Variants in NALCN observed in about 807,000 individuals in gnomAD.
NALCN encodes the protein sodium leak channel, non-selective.
In NALCN, 111 loss-of-function variants were observed where a neutral mutation model predicts 225.3. That is an observed-to-expected ratio of 0.49 (90% CI 0.42 to 0.58). The LOEUF is 0.58. NALCN is among the 20% of genes least tolerant of loss of function. The pLI is 0.00. For synonymous variants in NALCN, 764 were observed against 769.0 expected (o/e 0.99, Z 0.11); for missense variants, 1,378 against 2,202.4 (o/e 0.63, Z 7.49).
At chr13:101,202,423 T>C (rs2040157970) in intron 13 of NALCN, among the ~76,000 whole-genome samples, 1 of 152,120 alleles carries the variant, frequency 6.6e-6, no homozygotes, top group African/African-American at 2.4e-5. Flanking sequence ...TAAATACACA[T>C]AGTGTGGATT....
At chr13:101,122,906 C>G (rs1260206019) in intron 18 of NALCN, among the ~76,000 whole-genome samples, 2 of 152,160 alleles carry the variant, frequency 1.3e-5, no homozygotes, top group Non-Finnish European at 2.9e-5. Context: ...AGGCACGGCC[C>G]CATGGGACCC....
intron 34 of NALCN, 94 bp downstream of exon 34, chr13:101,081,433 T>A: frequency 6.4e-7 from 1 of 1,566,218 alleles, no homozygotes; most frequent in Non-Finnish European, 8.7e-7. Flanking sequence ...TCAGAGCAGG[T>A]TGATGTGGAG....
intron 9 of NALCN, among the ~76,000 whole-genome samples, chr13:101,291,685 C>T (rs2043557267): frequency 2.0e-5 from 3 of 152,132 alleles, no homozygotes; most frequent in Non-Finnish European, 1.5e-5. Flanking sequence ...GTAGCTGGGA[C>T]TACAAGCTCA....
intron 26 of NALCN, among the ~76,000 whole-genome samples, chr13:101,101,281 C>CTTTTTTTTTTTTTTTTTTTTTT (rs60948311): frequency 1.8e-5 from 2 of 112,370 alleles, no homozygotes; most frequent in Non-Finnish European, 1.7e-5. Flanking sequence ...ATTTTTTTTT[C>CTTTTTTTTTTTTTTTTTTTTTT]TTTTTTTTTT....
At chr13:101,400,832 T>C (rs1469476791) in intron 1 of NALCN, among the ~76,000 whole-genome samples, 2 of 151,898 alleles carry the variant, frequency 1.3e-5, no homozygotes, top group Admixed American at 6.6e-5. Context: ...GAGAGAGGGG[T>C]TGAATTATGG....
At chr13:101,143,695 C>T (rs572072009) in intron 16 of NALCN, among the ~76,000 whole-genome samples, 20 of 152,290 alleles carry the variant, frequency 1.3e-4, no homozygotes, top group African/African-American at 4.6e-4. Flanking sequence ...AACTCCCGAC[C>T]TCAGGTGATC....
intron 7 of NALCN, among the ~76,000 whole-genome samples, chr13:101,341,122 A>C (rs917706527): frequency 6.6e-6 from 1 of 152,180 alleles, no homozygotes; most frequent in African/African-American, 2.4e-5. Context: ...AGATATTCAT[A>C]ATTTATAATA....
intron 31 of NALCN, 95 bp from the exon 32 acceptor site, chr13:101,083,293 TA>T: frequency 9.7e-7 from 1 of 1,035,564 alleles, no homozygotes; most frequent in African/African-American, 1.6e-5. Flanking sequence ...TAAAACCCAT[TA>T]CATTTTTCTC....
intron 15 of NALCN, among the ~76,000 whole-genome samples, chr13:101,169,474 T>TCACA: frequency 6.6e-6 from 1 of 152,360 alleles, no homozygotes; most frequent in East Asian, 1.9e-4. Context: ...TGTATTTAAA[T>TCACA]CACACAACCT....
chr13:101,243,632 G>A lies in NALCN; in HGVS notation c.1267-5710C>T, dbSNP rs1471042921. On this transcript the variant is annotated intron_variant, in intron 11 of 43. Transcript: ENST00000251127. ...GTAGTAGAGGGCACCATAGTTTACG[G>A]AGGCGAAAGACCTGAAAAGCCATAG... is the stretch of plus-strand genomic sequence containing the variant. Among the ~76,000 whole-genome samples, 2 of 105,906 alleles carry A rather than the reference G, an allele frequency of 1.9e-5. 1 individual carries two copies. The highest frequency in any genetic ancestry group is 4.2e-5 in the Non-Finnish European group (2 of 47,382). The allele number at this position is 105,906 out of a possible 152,430, so 69.5% of individuals were successfully genotyped here. A position where few individuals can be genotyped will look rare whatever the true frequency, so the allele number is the denominator to read the frequency against.
At chr13:101,067,822 CTG>C in intron 39 of NALCN, 94 bp downstream of exon 39, 1 of 835,006 alleles carries the variant, frequency 1.2e-6, no homozygotes, top group Admixed American at 2.3e-5. Flanking sequence ...AAAATTCAAT[CTG>C]TGTCATTTGC....
At chr13:101,157,429 C>G (rs1206917347) in intron 15 of NALCN, among the ~76,000 whole-genome samples, 1 of 152,052 alleles carries the variant, frequency 6.6e-6, no homozygotes, top group Non-Finnish European at 1.5e-5. Flanking sequence ...GGAAATTTCA[C>G]GGTGACAGAA....
intron 6 of NALCN, among the ~76,000 whole-genome samples, chr13:101,350,236 T>G (rs1378246103): frequency 6.6e-6 from 1 of 152,154 alleles, no homozygotes; most frequent in African/African-American, 2.4e-5. Context: ...ATCTGGCTCC[T>G]CCCACACTTC....
chr13:101,114,384 G>A (rs776912854), intron 18 of NALCN, among the ~76,000 whole-genome samples: 2 of 151,886 alleles, frequency 1.3e-5, no homozygotes, highest in Non-Finnish European at 2.9e-5. Context: ...ATCTTTTCCC[G>A]CGTCATGGTG....
At chr13:101,117,050 C>A (rs1246035082) in intron 18 of NALCN, 1 of 472,544 alleles carries the variant, frequency 2.1e-6, no homozygotes, top group South Asian at 1.5e-5. Flanking sequence ...GTGGATACCC[C>A]ACTCCTTTGT....
intron 7 of NALCN, among the ~76,000 whole-genome samples, chr13:101,315,405 C>A (rs531240): frequency 0.41 from 61,995 of 151,810 alleles, 13,015 homozygotes; most frequent in Middle Eastern, 0.47. Flanking sequence ...GGATCACTAG[C>A]AGTATAGATC....
At position 101,378,983 on chromosome 13, in the gene NALCN, G is replaced by A. The variant is rs536031075; in HGVS notation, c.292-330C>T. Among the ~76,000 whole-genome samples the A allele has an allele frequency of 4.6e-4, 70 of 152,168 alleles. 1 individual carries two copies. In the South Asian group the frequency reaches 0.013, roughly 27 times the overall value. On this transcript the variant is annotated intron_variant, in intron 3 of 43. Coordinates refer to ENST00000251127, the MANE Select transcript of NALCN (RefSeq NM_052867.4). Reference sequence around the variant, plus strand: ...AATATGCTATGTAGGTCCTAAGCCAGCTCCCTGCCTACAAGAACCAAGAGT... The same window carrying A: ...AATATGCTATGTAGGTCCTAAGCCAACTCCCTGCCTACAAGAACCAAGAGT...
intron 27 of NALCN, among the ~76,000 whole-genome samples, chr13:101,097,037 T>TCC (rs1178764271): frequency 1.3e-5 from 2 of 152,194 alleles, no homozygotes; most frequent in Non-Finnish European, 2.9e-5. Context: ...AGCTTAGGGT[T>TCC]CCCTGGGCTT....
intron 7 of NALCN, among the ~76,000 whole-genome samples, chr13:101,293,589 G>A (rs1485597435): frequency 6.6e-6 from 1 of 152,168 alleles, no homozygotes; most frequent in African/African-American, 2.4e-5. Context: ...ACTAGAATGT[G>A]CATATGACCA....
Sources: gnomAD v4.1 joint callset for allele counts (sites outside exome capture counted in the v4.1 genomes callset) on GRCh38, gnomAD v4.1.1 for gene constraint, MANE v1.5 for transcripts, NCBI Gene and HGNC (gene_info 2026-07-23, HGNC 2026-07-21) for gene names.